The following ENPP6 variants were observed in gnomAD, a reference collection of about 807,000 sequenced individuals.
The protein encoded by ENPP6 is glycerophosphocholine cholinephosphodiesterase ENPP6.
ENPP6 carries 32 observed loss-of-function variants against 42.0 expected under a neutral mutation model. That is an observed-to-expected ratio of 0.76 (90% CI 0.58 to 1.02). The LOEUF (loss-of-function observed/expected upper bound fraction) is 1.02, where lower values mean the gene tolerates loss of function less well. Ranked by LOEUF, ENPP6 falls within the 50% of genes least tolerant of loss-of-function variation. The pLI is 0.00. For synonymous variants in ENPP6, 213 were observed against 216.0 expected, an observed-to-expected ratio of 0.99 and a Z score of 0.12; for missense variants, 552 against 566.8, an observed-to-expected ratio of 0.97 and a Z score of 0.27.
intron 2 of ENPP6, among the ~76,000 whole-genome samples, chr4:184,128,792 C>T (rs1047744669): frequency 4.6e-5 from 7 of 151,968 alleles, no homozygotes; most frequent in African/African-American, 7.3e-5. Flanking sequence ...GCATTATTTT[C>T]GAATATAACT....
At chr4:184,116,396 T>C (rs1296764319) in intron 5 of ENPP6, among the ~76,000 whole-genome samples, 1 of 152,128 alleles carries the variant, frequency 6.6e-6, no homozygotes, top group Non-Finnish European at 1.5e-5. Flanking sequence ...GTCATCTGTC[T>C]CCAGCACCCG....
At chr4:184,114,044 C>T (rs536124697) in intron 5 of ENPP6, among the ~76,000 whole-genome samples, 24 of 151,602 alleles carry the variant, frequency 1.6e-4, no homozygotes, top group Admixed American at 5.3e-4. Flanking sequence ...TGGCTCACTG[C>T]AACCTCCGAC....
chr4:184,113,965 C>CCTTCTTTCTTTCTTTCTT (rs1736272261), intron 5 of ENPP6, among the ~76,000 whole-genome samples: 1 of 36,472 alleles, frequency 2.7e-5, no homozygotes, highest in African/African-American at 9.7e-5. Flanking sequence ...CTTTCTTTCT[C>CCTTCTTTCTTTCTTTCTT]TCTTTCTTTC....
chr4:184,146,028 T>C (rs1660782679), intron 2 of ENPP6, among the ~76,000 whole-genome samples: 1 of 151,406 alleles, frequency 6.6e-6, no homozygotes, highest in South Asian at 2.1e-4. Context: ...TTTTTCTTTT[T>C]TTTTTTTTTG....
intron 6 of ENPP6, among the ~76,000 whole-genome samples, chr4:184,098,912 G>C (rs1392690920): frequency 2.0e-5 from 3 of 152,216 alleles, no homozygotes; most frequent in Non-Finnish European, 2.9e-5. Flanking sequence ...CGTGATGAAT[G>C]AGTAGAATCA....
chr4:184,146,059 C>T (rs1269236461), intron 2 of ENPP6, among the ~76,000 whole-genome samples: 1 of 145,062 alleles, frequency 6.9e-6, no homozygotes, highest in Non-Finnish European at 1.5e-5. Context: ...TCTGCTGTTA[C>T]TTACCCTGTC....
intron 2 of ENPP6, among the ~76,000 whole-genome samples, chr4:184,130,715 C>A (rs2111357222): frequency 2.5e-5 from 2 of 80,284 alleles, no homozygotes; most frequent in East Asian, 6.1e-4. Flanking sequence ...CAGACAAGTC[C>A]TAACTGACAA....
intron 1 of ENPP6, among the ~76,000 whole-genome samples, chr4:184,208,663 AG>A (rs1387570395): frequency 6.7e-6 from 1 of 148,218 alleles, no homozygotes; most frequent in Non-Finnish European, 1.5e-5. Context: ...AGGCTGGGGG[AG>A]GGGCGCCCGC....
intron 1 of ENPP6, among the ~76,000 whole-genome samples, chr4:184,205,299 AAAGT>A (rs1218510356): frequency 6.6e-6 from 1 of 152,236 alleles, no homozygotes; most frequent in Non-Finnish European, 1.5e-5. Flanking sequence ...GAAAATAAAG[AAAGT>A]AAGAGGGAGA....
chr4:184,158,107 A>G (rs538179194), intron 1 of ENPP6, among the ~76,000 whole-genome samples: 111 of 152,354 alleles, frequency 7.3e-4, no homozygotes, highest in African/African-American at 2.3e-3. Flanking sequence ...GGATATAAAG[A>G]TAAAAAAGAA....
intron 3 of ENPP6, among the ~76,000 whole-genome samples, chr4:184,118,211 C>A (rs1024340768): frequency 2.6e-5 from 4 of 152,284 alleles, no homozygotes; most frequent in Admixed American, 2.6e-4. Context: ...TAGGTACGTG[C>A]ACATTTAGCA....
chr4:184,187,413 G>C (rs1385222056), intron 1 of ENPP6, among the ~76,000 whole-genome samples: 1 of 152,178 alleles, frequency 6.6e-6, no homozygotes, highest in Non-Finnish European at 1.5e-5. Flanking sequence ...CCACACCACT[G>C]CACACCGCTC....
intron 5 of ENPP6, among the ~76,000 whole-genome samples, chr4:184,115,144 T>G (rs886269905): frequency 6.6e-6 from 1 of 152,234 alleles, no homozygotes; most frequent in Non-Finnish European, 1.5e-5. Context: ...TGCTTCATCC[T>G]TACTAATGAC....
At chr4:184,186,924 A>G (rs1732642058) in intron 1 of ENPP6, among the ~76,000 whole-genome samples, 1 of 152,120 alleles carries the variant, frequency 6.6e-6, no homozygotes, top group African/African-American at 2.4e-5. Flanking sequence ...TGAGCCCCAC[A>G]CTCAGAATAA....
chr4:184,103,094 G>C (rs558629347), intron 6 of ENPP6, among the ~76,000 whole-genome samples: 4 of 152,350 alleles, frequency 2.6e-5, no homozygotes, highest in African/African-American at 9.6e-5. Context: ...GGGCTTCAAG[G>C]GACTGCAGAA....
chr4:184,130,560 ACAAAACAAAAC>A (rs1314968126), intron 2 of ENPP6, among the ~76,000 whole-genome samples: 2 of 115,026 alleles, frequency 1.7e-5, no homozygotes, highest in African/African-American at 3.4e-5. Flanking sequence ...TCCAAATCAA[ACAAAACAAAAC>A]AAAAAAAAAA....
chr4:184,173,808 A>G (rs370864560), intron 1 of ENPP6, among the ~76,000 whole-genome samples: 1 of 152,214 alleles, frequency 6.6e-6, no homozygotes, highest in Non-Finnish European at 1.5e-5. Context: ...ATTCTAGTGC[A>G]TAAGGGCTTT....
At chr4:184,101,171 A>T (rs72995868) in intron 6 of ENPP6, among the ~76,000 whole-genome samples, 11,477 of 151,856 alleles carry the variant, frequency 0.076, 1,103 homozygotes, top group African/African-American at 0.23. Flanking sequence ...GTGTGTGTGC[A>T]TGAGTGTGTA....
At chr4:184,166,731 G>A (rs987881082) in intron 1 of ENPP6, among the ~76,000 whole-genome samples, 1 of 152,230 alleles carries the variant, frequency 6.6e-6, no homozygotes, top group Non-Finnish European at 1.5e-5. Flanking sequence ...TATTTGGAGG[G>A]AGGAGCTTCT....
Sources: gnomAD v4.1 joint callset for allele counts (sites outside exome capture counted in the v4.1 genomes callset) on GRCh38, gnomAD v4.1.1 for gene constraint, MANE v1.5 for transcripts, NCBI Gene and HGNC (gene_info 2026-07-23, HGNC 2026-07-21) for gene names.